Variants in KIF21B observed in about 807,000 individuals in gnomAD.
The protein encoded by KIF21B is kinesin-like protein KIF21B.
In KIF21B, 85 loss-of-function variants were observed where a neutral mutation model predicts 192.9. That is an observed-to-expected ratio of 0.44 (90% CI 0.37 to 0.53). The LOEUF is 0.53. KIF21B is among the 20% of genes least tolerant of loss of function. KIF21B has a pLI of 0.00. For synonymous variants in KIF21B, 832 were observed against 884.6 expected (o/e 0.94, Z 1.05); for missense variants, 1,716 against 2,194.8 (o/e 0.78, Z 4.36).
rs1657639573 is a variant in KIF21B at position 201,003,706 on chromosome 1, G to A, written c.1092C>T (p.Ala364=). 3.1e-6 allele frequency: 5 copies of A among 1,614,206 alleles called. No individual in the cohort carries two copies. Among genetic ancestry groups the A allele is most frequent in the Non-Finnish European group, 4.2e-6 (5 of 1,180,038 alleles). Residue 364 remains alanine (A), a synonymous_variant, in exon 8 of 35, where the codon GCC becomes GCT. Transcript: ENST00000461742. ...TGTTCTTGATGTTGCGGGCCCGATT[G>A]GCATATTTGAGTGTGTTGAGGGTCT... is the stretch of plus-strand genomic sequence containing the variant. ...FMETLNTLKY[A]NRARNIKNKV...
chr1:201,009,242 T>C (rs746136092), intron 2 of KIF21B, 24 bp downstream of exon 2: 4 of 1,603,636 alleles, frequency 2.5e-6, no homozygotes, highest in East Asian at 2.2e-5. Flanking sequence ...GGAGCCGCCA[T>C]AGGTGGGCGT....
At position 200,997,653 on chromosome 1, in the gene KIF21B, G is replaced by T. The variant is rs566968946; in HGVS notation, c.2077+731C>A. On this transcript the variant is annotated intron_variant, in intron 14 of 34. Transcript: ENST00000461742. ...AGCTACTCAGGAGGCTGAGGCAGGA[G>T]AATCGATTGAACCGGGGGTCAGAGG... 7.2e-5 allele frequency among the ~76,000 whole-genome samples: 11 copies of T among 152,304 alleles called. 1 individual carries two copies. In the South Asian group the frequency reaches 2.3e-3, roughly 32 times the overall value.
Position 200,999,787 on chromosome 1 carries a change from C to T in KIF21B, c.1767+96G>A. 8.0e-7 allele frequency: 1 copy of T among 1,245,612 alleles called. No homozygotes were observed. The highest frequency in any genetic ancestry group is 1.2e-6 in the Non-Finnish European group (1 of 855,108). 77.2% of individuals were successfully genotyped at this position (1,245,612 alleles called of 1,614,324 possible). A position where few individuals can be genotyped will look rare whatever the true frequency, so the allele number is the denominator to read the frequency against. On this transcript the variant is annotated intron_variant, in intron 12 of 34. Coordinates refer to ENST00000461742, the MANE Select transcript of KIF21B (RefSeq NM_001252102.2). This position sits in a 1 kb window ranked among gnomAD's most constrained non-coding sequence, Gnocchi z 4.7. ...AACTGGATGCAGACCCAACCGCCTC[C>T]TTCACTCCATACAAGGATGCGGATG...
Position 201,008,937 on chromosome 1 carries a change from C to A in KIF21B, c.279G>T (p.Lys93Asn). ...CAAAGCCAGTGCCCATGGTGTACGTCTTCCCGGCCCCCGTCTGCATTGGCA... is the reference window on the plus strand; with the variant it reads ...CAAAGCCAGTGCCCATGGTGTACGTATTCCCGGCCCCCGTCTGCATTGGCA... ...VLAYGQTGAG[K>N]TYTMGTGFDM... Residue 93 changes from lysine to asparagine, a missense_variant, in exon 3 of 35, where the codon AAG (lysine) becomes AAT (asparagine). This residue lies in a region of KIF21B where 1,087 missense variants were observed against 1,316.6 expected (regional missense o/e 0.83). Transcript: ENST00000461742. 1 of 1,610,138 alleles carries A rather than the reference C, an allele frequency of 6.2e-7. No homozygotes were observed. The highest frequency in any genetic ancestry group is 8.5e-7 in the Non-Finnish European group (1 of 1,179,704).
Position 200,999,220 on chromosome 1 carries a change from G to C in KIF21B, c.1885+129C>G. The C allele has an allele frequency of 9.1e-7, 1 of 1,094,858 alleles. No individual in the cohort carries two copies. The highest frequency in any genetic ancestry group is 2.0e-4 in the Middle Eastern group (1 of 5,010). The allele number at this position is 1,094,858 out of a possible 1,614,324, so 67.8% of individuals were successfully genotyped here. On this transcript the variant is annotated intron_variant, in intron 13 of 34. Coordinates refer to ENST00000461742, the MANE Select transcript of KIF21B (RefSeq NM_001252102.2). The surrounding 1 kb of genome is among the most constrained non-coding windows in gnomAD (Gnocchi z 4.7). Reference sequence around the variant, plus strand: ...ATCATTCTCATCATGACTGCCTGTTGTCATTGGTTTCACGTCTGGGAGTGC... The same window carrying C: ...ATCATTCTCATCATGACTGCCTGTTCTCATTGGTTTCACGTCTGGGAGTGC...
At chr1:201,001,537 C>T (rs1657499053) in intron 9 of KIF21B, 1 of 153,068 alleles carries the variant, frequency 6.5e-6, no homozygotes, top group Non-Finnish European at 1.5e-5. Context: ...TGTGCCACCA[C>T]ATCTGGCTAA....
intron 3 of KIF21B, among the ~76,000 whole-genome samples, chr1:201,006,991 C>T (rs1308134573): frequency 6.9e-6 from 1 of 145,470 alleles, no homozygotes; most frequent in Non-Finnish European, 1.5e-5. Flanking sequence ...CACAGAGATA[C>T]ACAGACACGG....
rs568817621 is a variant in KIF21B, at chr1:201,009,250, C to A, written c.264+16G>T. 6.2e-7 allele frequency: 1 copy of A among 1,610,670 alleles called. No individual in the cohort carries two copies. Among genetic ancestry groups the A allele is most frequent in the East Asian group, 2.2e-5 (1 of 44,856 alleles). ...CAAGGCTGGAGCCGCCATAGGTGGG[C>A]GTGAAGATGGCTTACCTGCCCATAG... is the stretch of plus-strand genomic sequence containing the variant. On this transcript the variant is annotated intron_variant, in intron 2 of 34. Transcript: ENST00000461742.
intron 27 of KIF21B, 149 bp downstream of exon 27, chr1:200,984,710 G>A (rs1038326311): frequency 1.8e-5 from 10 of 542,310 alleles, no homozygotes; most frequent in Non-Finnish European, 3.2e-5. Flanking sequence ...AATGCCAGGA[G>A]AGGGCATCAG....
At position 201,000,778 on chromosome 1, in the gene KIF21B, C is replaced by A. The variant is rs758012354; in HGVS notation, c.1405G>T (p.Asp469Tyr). ...EANLLLAKAGDGNEAIGALIQ... is the reference protein window; with the variant it reads ...EANLLLAKAGYGNEAIGALIQ... The stretch of plus-strand genomic sequence containing the variant: ...AGCGCACCAATGGCCTCATTGCCAT[C>A]GCCTGGAGTGGGACGGCGGGAAGAA... The change falls in exon 10 of 35, where the codon GAT becomes TAT. Residue 469 changes from aspartate to tyrosine, a missense_variant and splice_region_variant. Around this residue, in one of 3 missense-constraint regions of KIF21B, gnomAD observed 1,087 missense variants for 1,316.6 expected, o/e 0.83. Coordinates refer to ENST00000461742, the MANE Select transcript of KIF21B (RefSeq NM_001252102.2). The surrounding 1 kb of genome is among the most constrained non-coding windows in gnomAD (Gnocchi z 6.0). 1.1e-5 allele frequency: 17 copies of A among 1,614,056 alleles called. No individual in the cohort carries two copies. Among genetic ancestry groups the A allele is most frequent in the South Asian group, 5.5e-5 (5 of 91,094 alleles).
intron 16 of KIF21B, among the ~76,000 whole-genome samples, 199 bp downstream of exon 16, chr1:200,992,083 C>T (rs1483823634): frequency 6.6e-6 from 1 of 152,254 alleles, no homozygotes; most frequent in South Asian, 2.1e-4. Flanking sequence ...AGTCCCTCCT[C>T]TTAACATGTG....
In KIF21B at chr1:201,002,224, C is replaced by G; in HGVS notation, c.1339G>C (p.Ala447Pro). ...AGCTGGGTGACGCGGTTGTTGATGGCATCGATGGCCTCCTGCATGGCTTTC... is the reference window on the plus strand; with the variant it reads ...AGCTGGGTGACGCGGTTGTTGATGGGATCGATGGCCTCCTGCATGGCTTTC... Reference protein sequence around the residue: ...RVKAMQEAIDAINNRVTQLMS... With the variant: ...RVKAMQEAIDPINNRVTQLMS... Residue 447 changes from alanine (A) to proline (P), a missense_variant, in exon 9 of 35, where the codon GCC (alanine) becomes CCC (proline). By Grantham distance (27) the Ala-to-Pro change is conservative. Around this residue, in one of 3 missense-constraint regions of KIF21B, gnomAD observed 1,087 missense variants for 1,316.6 expected, o/e 0.83. Coordinates refer to ENST00000461742, the MANE Select transcript of KIF21B (RefSeq NM_001252102.2). The G allele has an allele frequency of 6.2e-7, 1 of 1,614,182 alleles. No homozygotes were observed. Among genetic ancestry groups the G allele is most frequent in the African/African-American group, 1.3e-5 (1 of 75,028 alleles).
intron 1 of KIF21B, among the ~76,000 whole-genome samples, chr1:201,011,593 G>A (rs6663263): frequency 0.21 from 31,988 of 152,220 alleles, 4,866 homozygotes; most frequent in African/African-American, 0.43. Context: ...AAGGAGGAGC[G>A]TGGCATTGCA....
chr1:201,003,578 A>G lies in KIF21B; in HGVS notation c.1212+8T>C. 1.2e-6 allele frequency: 2 copies of G among 1,613,220 alleles called. No individual in the cohort carries two copies. The highest frequency in any genetic ancestry group is 1.7e-6 in the Non-Finnish European group (2 of 1,179,980). On this transcript the variant is annotated splice_region_variant and intron_variant, in intron 8 of 34. Transcript: ENST00000461742. ...GGAGTGCTGGGCAATGCCCAGGAGC[A>G]TGCTCACCGCCTTATACTCCATCAG... is the stretch of plus-strand genomic sequence containing the variant.
At chr1:200,978,834 G>T (rs745571923) in intron 30 of KIF21B, among the ~76,000 whole-genome samples, 33 of 152,124 alleles carry the variant, frequency 2.2e-4, no homozygotes, top group Non-Finnish European at 4.1e-4. Flanking sequence ...CTACAGGCAT[G>T]CACCACCATG....
intron 27 of KIF21B, among the ~76,000 whole-genome samples, chr1:200,983,435 C>T (rs1043265246): frequency 1.6e-4 from 25 of 152,122 alleles, no homozygotes; most frequent in Admixed American, 1.5e-3. Flanking sequence ...GCTGCCCCAT[C>T]GCACAAGCTG....
chr1:200,977,258 G>C lies in KIF21B; in HGVS notation c.4279C>G (p.Leu1427Val). 6.2e-7 allele frequency: 1 copy of C among 1,614,126 alleles called. No individual in the cohort carries two copies. Residue 1427 changes from leucine (L) to valine (V), a missense_variant, in exon 31 of 35, where the codon CTG (leucine) becomes GTG (valine). Transcript: ENST00000461742. Reference protein sequence around the residue: ...QIALSPSGTMLYAASGNAVRI... With the variant: ...QIALSPSGTMVYAASGNAVRI... Reference sequence around the variant, plus strand: ...ACGGCATTGCCCGAGGCGGCGTACAGCATGGTGCCCGAAGGGCTGAGGGCG... The same window carrying C: ...ACGGCATTGCCCGAGGCGGCGTACACCATGGTGCCCGAAGGGCTGAGGGCG...
chr1:200,974,769 C>T lies in KIF21B; in HGVS notation c.4759G>A (p.Asp1587Asn), dbSNP rs774619563. The change falls in exon 34 of 35, where the codon GAC becomes AAC. Residue 1587 changes from aspartate (D) to asparagine (N), a missense_variant. Physicochemically the swap from Asp to Asn is conservative, Grantham distance 23 (BLOSUM62 1). Coordinates refer to ENST00000461742, the MANE Select transcript of KIF21B (RefSeq NM_001252102.2). ...GTGCAGATGGCATTGATGGGACTGT[C>T]GTGGCCCTTGATCTCACCGATGGGT... Reference protein sequence around the residue: ...FTPIGEIKGHDSPINAICTNA... With the variant: ...FTPIGEIKGHNSPINAICTNA... 1.6e-5 allele frequency: 26 copies of T among 1,614,116 alleles called. No individual in the cohort carries two copies. The highest frequency in any genetic ancestry group is 4.4e-5 in the South Asian group (4 of 91,092).
intron 29 of KIF21B, among the ~76,000 whole-genome samples, chr1:200,980,050 C>G (rs570522939): frequency 6.6e-6 from 1 of 152,260 alleles, no homozygotes; most frequent in South Asian, 2.1e-4. Flanking sequence ...GCCTGTTCCT[C>G]CAAACACTAA....
Sources: gnomAD v4.1 joint callset for allele counts (sites outside exome capture counted in the v4.1 genomes callset) on GRCh38, gnomAD v4.1.1 for gene constraint, gnomAD v4.1.1 regional missense constraint, Gnocchi (gnomAD v3.1) non-coding constraint, MANE v1.5 for transcripts, NCBI Gene and HGNC (gene_info 2026-07-23, HGNC 2026-07-21) for gene names.